The following PRDM13 variants were observed in gnomAD, a reference collection of about 807,000 sequenced individuals.
The protein encoded by PRDM13 is PR/SET domain 13.
In PRDM13, 15 loss-of-function variants were observed where a neutral mutation model predicts 36.4. The observed-to-expected ratio is 0.41, with a 90% CI of 0.28 to 0.64. PRDM13 has a LOEUF of 0.64. Ranked by LOEUF, PRDM13 falls within the 30% of genes least tolerant of loss-of-function variation. The probability of loss-of-function intolerance (pLI) is 0.29; values close to 1 mark genes in which losing one functional copy is unlikely to be tolerated. For missense variants in PRDM13, 1,044 were observed against 1,013.5 expected (o/e 1.03, Z -0.41); for synonymous variants, 531 against 467.7 (o/e 1.14, Z -1.75).
Position 99,613,133 on chromosome 6 carries a change from A to T in PRDM13, c.498A>T (p.Gly166=). Residue 166 remains glycine, a synonymous_variant, in exon 4 of 4, where the codon GGA becomes GGT. Coordinates refer to ENST00000369215, the MANE Select transcript of PRDM13 (RefSeq NM_021620.4). The surrounding 1 kb of genome is among the most constrained non-coding windows in gnomAD (Gnocchi z 6.1). ...LRFHCVFSGG[G]GGAFLHHEHA... ...TCCACTGCGTGTTCAGCGGCGGTGG[A>T]GGCGGCGCCTTCCTGCACCACGAAC... 6.2e-7 allele frequency: 1 copy of T among 1,613,268 alleles called. No homozygotes were observed. The highest frequency in any genetic ancestry group is 8.5e-7 in the Non-Finnish European group (1 of 1,179,988).
At position 99,614,296 on chromosome 6, in the gene PRDM13, G is replaced by T. The variant is rs779766313; in HGVS notation, c.1661G>T (p.Gly554Val). ...TTGCCACCGGCCGTCGCGGCGGCGG[G>T]AGGCACCGGGGGCGGCGGCAGCGGA... ...GTLPPAVAAA[G>V]GTGGGGSGGS... Residue 554 changes from glycine to valine, a missense_variant, in exon 4 of 4, where the codon GGA becomes GTA. This residue lies in a region of PRDM13 where 921 missense variants were observed against 865.2 expected (regional missense o/e 1.06). Coordinates refer to ENST00000369215, the MANE Select transcript of PRDM13 (RefSeq NM_021620.4). 62 of 1,605,422 alleles carry T rather than the reference G, an allele frequency of 3.9e-5. No individual in the cohort carries two copies. The highest frequency in any genetic ancestry group is 1.6e-4 in the Middle Eastern group (1 of 6,070).
chr6:99,614,514 A>G lies in PRDM13; in HGVS notation c.1879A>G (p.Asn627Asp), dbSNP rs542552328. Residue 627 changes from asparagine (N) to aspartate (D), a missense_variant, in exon 4 of 4, where the codon AAT becomes GAT. Transcript: ENST00000369215. Reference sequence around the variant, plus strand: ...GCACATCCGGCTGCACGCCGAGGGCAATACGCCCTACCGCTGCGAGTTCTG... The same window carrying G: ...GCACATCCGGCTGCACGCCGAGGGCGATACGCCCTACCGCTGCGAGTTCTG... ...NKHIRLHAEG[N>D]TPYRCEFCGK... is the part of the protein sequence containing the mutation. The G allele has an allele frequency of 6.2e-7, 1 of 1,613,242 alleles. No homozygotes were observed. The highest frequency in any genetic ancestry group is 1.1e-5 in the South Asian group (1 of 91,088).
chr6:99,610,377 T>C (rs1770014719), intron 3 of PRDM13, among the ~76,000 whole-genome samples: 1 of 152,252 alleles, frequency 6.6e-6, no homozygotes, highest in Non-Finnish European at 1.5e-5. Flanking sequence ...TTTTTTTCTT[T>C]GACAATTGTC....
intron 3 of PRDM13, among the ~76,000 whole-genome samples, chr6:99,610,999 T>A (rs542265100): frequency 6.6e-6 from 1 of 152,316 alleles, no homozygotes; most frequent in East Asian, 1.9e-4. Context: ...TTGGAGAAGT[T>A]TGAACTCTTG....
Position 99,613,626 on chromosome 6 carries a change from G to T in PRDM13, c.991G>T (p.Gly331Cys). The T allele has an allele frequency of 6.9e-7, 1 of 1,456,986 alleles. No homozygotes were observed. The highest frequency in any genetic ancestry group is 9.0e-7 in the Non-Finnish European group (1 of 1,117,204). 90.3% of individuals were successfully genotyped at this position (1,456,986 alleles called of 1,614,324 possible). A position where few individuals can be genotyped will look rare whatever the true frequency, so the allele number is the denominator to read the frequency against. The change falls in exon 4 of 4, where the codon GGC (glycine) becomes TGC (cysteine). Residue 331 changes from glycine (G) to cysteine (C), a missense_variant. Physicochemically the swap from Gly to Cys is radical, Grantham distance 159. Coordinates refer to ENST00000369215, the MANE Select transcript of PRDM13 (RefSeq NM_021620.4). The surrounding 1 kb of genome is among the most constrained non-coding windows in gnomAD (Gnocchi z 6.1). ...CGGCCTCGCTTTGGGCAGGCTGCTG[G>T]GCGGGGGCCGGGCGTGCGGGCGCCC... ...GAGLALGRLL[G>C]GGRACGRPGS... is the part of the protein sequence containing the mutation.
At position 99,614,006 on chromosome 6, in the gene PRDM13, C is replaced by G; in HGVS notation, c.1371C>G (p.Ala457=). The change falls in exon 4 of 4, where the codon GCC becomes GCG. Residue 457 remains alanine (A), a synonymous_variant. Coordinates refer to ENST00000369215, the MANE Select transcript of PRDM13 (RefSeq NM_021620.4). ...GTGGTGAGTGCAGCCACCTGCCCGC[C>G]GTCATGCCGGCCTTTACAGTCTACA... ...YPGGECSHLP[A]VMPAFTVYNG... 2 of 1,609,980 alleles carry G rather than the reference C, an allele frequency of 1.2e-6. No individual in the cohort carries two copies. Among genetic ancestry groups the G allele is most frequent in the Non-Finnish European group, 1.7e-6 (2 of 1,178,956 alleles).
chr6:99,614,184 A>G lies in PRDM13; in HGVS notation c.1549A>G (p.Ser517Gly), dbSNP rs1333270321. The change falls in exon 4 of 4, where the codon AGC becomes GGC. Residue 517 changes from serine to glycine, a missense_variant. Ser to Gly is a moderately conservative substitution (Grantham distance 56, BLOSUM62 0). Coordinates refer to ENST00000369215, the MANE Select transcript of PRDM13 (RefSeq NM_021620.4). ...CCCCGCCGAGCTGGGGTCGCTGGCC[A>G]GCATCGACCGAGAGATCGCCATGCA... ...LSPAELGSLASIDREIAMHNQ... is the reference protein window; with the variant it reads ...LSPAELGSLAGIDREIAMHNQ... 1.2e-6 allele frequency: 2 copies of G among 1,604,646 alleles called. No homozygotes were observed. Among genetic ancestry groups the G allele is most frequent in the African/African-American group, 2.7e-5 (2 of 74,792 alleles).
chr6:99,609,677 G>A (rs1397203360), intron 3 of PRDM13, among the ~76,000 whole-genome samples: 1 of 152,090 alleles, frequency 6.6e-6, no homozygotes, highest in Non-Finnish European at 1.5e-5. Flanking sequence ...CTTGAGGCTA[G>A]GAGTTCGAGA....
chr6:99,613,673 G>GGCGGGCGGC lies in PRDM13; in HGVS notation c.1044_1052dup (p.Gly349_Gly351dup), dbSNP rs1770073078. ...GCCCCGGGAGCGGGGAGAACTCGGC[G>GGCGGGCGGC]GCGGGCGGCGCGGGTCACCACCATC... On this transcript the variant is annotated inframe_insertion, in exon 4 of 4. Transcript: ENST00000369215. This position sits in a 1 kb window ranked among gnomAD's most constrained non-coding sequence, Gnocchi z 6.1. 1 of 1,423,544 alleles carries GGCGGGCGGC rather than the reference G, an allele frequency of 7.0e-7. No homozygotes were observed. Among genetic ancestry groups the GGCGGGCGGC allele is most frequent in the African/African-American group, 1.5e-5 (1 of 65,890 alleles). 88.2% of individuals were successfully genotyped at this position (1,423,544 alleles called of 1,614,324 possible). A position where few individuals can be genotyped will look rare whatever the true frequency, so the allele number is the denominator to read the frequency against.
chr6:99,613,296 T>C lies in PRDM13; in HGVS notation c.661T>C (p.Cys221Arg), dbSNP rs866981031. The C allele has an allele frequency of 1.9e-6, 3 of 1,578,920 alleles. No homozygotes were observed. The highest frequency in any genetic ancestry group is 2.6e-6 in the Non-Finnish European group (3 of 1,164,470). The change falls in exon 4 of 4, where the codon TGC (cysteine) becomes CGC (arginine). Residue 221 changes from cysteine (C) to arginine (R), a missense_variant. Around this residue, in one of 3 missense-constraint regions of PRDM13, gnomAD observed 921 missense variants for 865.2 expected, o/e 1.06. Transcript: ENST00000369215. The surrounding 1 kb of genome is among the most constrained non-coding windows in gnomAD (Gnocchi z 6.1). ...CCTGGGCCCGCCACCAGTTCAGGCC[T>C]GCGGTGCGCGGGAGGGCATCAAGCG... The part of the protein sequence containing the change: ...HPLGPPPVQA[C>R]GAREGIKREA...
At position 99,608,818 on chromosome 6, in the gene PRDM13, C is replaced by G; in HGVS notation, c.222C>G (p.Ala74=). The change falls in exon 2 of 4, where the codon GCC becomes GCG. Residue 74 remains alanine (A), a synonymous_variant. Transcript: ENST00000369215. ...PLEWIGLIRA[A]RNSQEQTLEA... ...AGTGGATAGGGTTAATCCGGGCAGC[C>G]AGAAACTCCCAGGAACAGACTCTGG... The G allele has an allele frequency of 6.2e-7, 1 of 1,613,932 alleles. No homozygotes were observed. The highest frequency in any genetic ancestry group is 8.5e-7 in the Non-Finnish European group (1 of 1,179,964).
chr6:99,609,968 A>T (rs1286314704), intron 3 of PRDM13, among the ~76,000 whole-genome samples: 3 of 152,234 alleles, frequency 2.0e-5, no homozygotes, highest in African/African-American at 7.2e-5. Flanking sequence ...CACAGAGTAT[A>T]ACTCAAACCT....
chr6:99,608,607 A>G, intron 1 of PRDM13, 134 bp from the exon 2 acceptor site: 1 of 1,185,556 alleles, frequency 8.4e-7, no homozygotes, highest in South Asian at 1.8e-5. Flanking sequence ...TCCTCCTCCC[A>G]GTAGCCCATA....
chr6:99,614,034 G>T lies in PRDM13; in HGVS notation c.1399G>T (p.Gly467Trp), dbSNP rs1187262821. The change falls in exon 4 of 4, where the codon GGG (glycine) becomes TGG (tryptophan). Residue 467 changes from glycine (G) to tryptophan (W), a missense_variant. Around this residue, in one of 3 missense-constraint regions of PRDM13, gnomAD observed 921 missense variants for 865.2 expected, o/e 1.06. Transcript: ENST00000369215. ...AVMPAFTVYNGELLYGSPATT... is the reference protein window; with the variant it reads ...AVMPAFTVYNWELLYGSPATT... ...CATGCCGGCCTTTACAGTCTACAAC[G>T]GGGAGCTGCTCTACGGCTCACCGGC... 1.2e-6 allele frequency: 2 copies of T among 1,610,452 alleles called. No homozygotes were observed. The highest frequency in any genetic ancestry group is 1.7e-6 in the Non-Finnish European group (2 of 1,179,116).
rs534795897 is a variant in PRDM13 at position 99,610,795 on chromosome 6, CA to C, written c.397+1489del. ...TGGCGGGCCACTAACCTTTAGAAGCCAGCCATTTCTACAGAGAACACCCTTT... is the reference window on the plus strand; with the variant it reads ...TGGCGGGCCACTAACCTTTAGAAGCCGCCATTTCTACAGAGAACACCCTTT... On this transcript the variant is annotated intron_variant, in intron 3 of 3. Transcript: ENST00000369215. Among the ~76,000 whole-genome samples the C allele has an allele frequency of 6.8e-3, 1,035 of 152,278 alleles. 12 individuals carry two copies. The highest frequency in any genetic ancestry group is 0.011 in the Non-Finnish European group (717 of 68,012).
rs1338689002 is a variant in PRDM13 at position 99,607,501 on chromosome 6, C to T, written c.144+323C>T. Among the ~76,000 whole-genome samples the T allele has an allele frequency of 5.3e-5, 8 of 152,284 alleles. No homozygotes were observed. The East Asian group carries it at 9.7e-4, about 18-fold the overall frequency. On this transcript the variant is annotated intron_variant, in intron 1 of 3. Transcript: ENST00000369215. Reference sequence around the variant, plus strand: ...TCCTCAGTCAGAAGCCAGAAGCCCACCCCCGCACGCTGTCCGCAGCTCTCT... The same window carrying T: ...TCCTCAGTCAGAAGCCAGAAGCCCATCCCCGCACGCTGTCCGCAGCTCTCT...
chr6:99,610,667 G>T (rs866238614), intron 3 of PRDM13, among the ~76,000 whole-genome samples: 2 of 152,260 alleles, frequency 1.3e-5, no homozygotes, highest in Middle Eastern at 3.4e-3. Flanking sequence ...TTTGTTCCTT[G>T]CATCACATTA....
chr6:99,612,823 G>T (rs1190413755), intron 3 of PRDM13, among the ~76,000 whole-genome samples: 2 of 152,150 alleles, frequency 1.3e-5, no homozygotes, highest in Non-Finnish European at 2.9e-5. Context: ...TTTGGCCTCC[G>T]AGTAGTCCCA....
chr6:99,613,630 G>C lies in PRDM13; in HGVS notation c.995G>C (p.Gly332Ala). ...CTCGCTTTGGGCAGGCTGCTGGGCG[G>C]GGGCCGGGCGTGCGGGCGCCCCGGG... ...AGLALGRLLG[G>A]GRACGRPGSG... The change falls in exon 4 of 4, where the codon GGG becomes GCG. Residue 332 changes from glycine to alanine, a missense_variant. Gly to Ala is a moderately conservative substitution (Grantham distance 60, BLOSUM62 0). Coordinates refer to ENST00000369215, the MANE Select transcript of PRDM13 (RefSeq NM_021620.4). This position sits in a 1 kb window ranked among gnomAD's most constrained non-coding sequence, Gnocchi z 6.1. 2.1e-6 allele frequency: 3 copies of C among 1,447,324 alleles called. No homozygotes were observed. The highest frequency in any genetic ancestry group is 2.7e-6 in the Non-Finnish European group (3 of 1,113,934). The allele number at this position is 1,447,324 out of a possible 1,614,324, so 89.7% of individuals were successfully genotyped here.
Sources: allele counts gnomAD v4.1 joint callset (sites outside exome capture counted in the v4.1 genomes callset), GRCh38; gene constraint gnomAD v4.1.1; regional missense constraint gnomAD v4.1.1; non-coding constraint Gnocchi (gnomAD v3.1); transcripts MANE v1.5; gene names NCBI Gene and HGNC (gene_info 2026-07-23, HGNC 2026-07-21).